Variants in TTC6 observed in about 807,000 individuals in gnomAD.
TTC6 encodes the protein tetratricopeptide repeat protein 6.
Under a neutral mutation model 210.4 loss-of-function variants are expected in TTC6, and 172 were observed. The ratio of observed to expected loss-of-function variants is 0.82; its 90% CI spans 0.72 to 0.93. The LOEUF is 0.93. Among genes scored for constraint, TTC6 ranks in the 40% least tolerant of loss-of-function variants. The probability of loss-of-function intolerance (pLI) is 0.00; values close to 1 mark genes in which losing one functional copy is unlikely to be tolerated. For missense variants in TTC6, 2,414 were observed against 2,318.1 expected (o/e 1.04, Z -0.85); for synonymous variants, 804 against 819.6 (o/e 0.98, Z 0.32).
chr14:37,674,852 AT>A (rs1396235949), intron 1 of TTC6, among the ~76,000 whole-genome samples: 4 of 152,088 alleles, frequency 2.6e-5, no homozygotes, highest in Admixed American at 2.6e-4. Context: ...TCAGTAAAAT[AT>A]TTTTTTACAT....
intron 6 of TTC6, among the ~76,000 whole-genome samples, chr14:37,723,956 T>C (rs949442203): frequency 2.0e-5 from 3 of 152,020 alleles, no homozygotes; most frequent in African/African-American, 7.2e-5. Context: ...GTTCAATGGG[T>C]TTTTAAAAAT....
At chr14:37,808,105 C>G (rs2096122431) in intron 23 of TTC6, among the ~76,000 whole-genome samples, 1 of 152,068 alleles carries the variant, frequency 6.6e-6, no homozygotes, top group African/African-American at 2.4e-5. Flanking sequence ...GTGACTGGCA[C>G]CATTGATATG....
intron 1 of TTC6, among the ~76,000 whole-genome samples, chr14:37,643,830 A>G (rs1175149907): frequency 2.0e-5 from 3 of 152,172 alleles, no homozygotes; most frequent in African/African-American, 7.2e-5. Context: ...TGAAGAAAGG[A>G]AAGATTGAGA....
chr14:37,654,021 A>C (rs912065462), intron 1 of TTC6, among the ~76,000 whole-genome samples: 2 of 152,194 alleles, frequency 1.3e-5, no homozygotes, highest in Non-Finnish European at 2.9e-5. Flanking sequence ...TATTTAAAGC[A>C]GTGTCTTCTT....
chr14:37,711,744 G>T (rs1411015285), intron 5 of TTC6, among the ~76,000 whole-genome samples: 2 of 152,188 alleles, frequency 1.3e-5, no homozygotes, highest in African/African-American at 4.8e-5. Context: ...GATAACAACA[G>T]TTGCAGGGAT....
In TTC6 at chr14:37,637,159, GA is replaced by G. The variant is rs148391130; in HGVS notation, c.939+14164del. On this transcript the variant is annotated intron_variant, in intron 1 of 30. Transcript: ENST00000553443. The stretch of plus-strand genomic sequence containing the variant: ...CAAAAACCAAAAAACAAAACCACAA[GA>G]AAAAAAACCCACCTCAATCTGTCTC... 5.4e-4 allele frequency among the ~76,000 whole-genome samples: 82 copies of G among 151,424 alleles called. 1 individual carries two copies. Among genetic ancestry groups the G allele is most frequent in the Non-Finnish European group, 7.8e-4 (53 of 67,860 alleles).
chr14:37,745,699 G>C lies in TTC6; in HGVS notation c.2364-3240G>C, dbSNP rs544013023. Reference sequence around the variant, plus strand: ...TTGATAAACGTCAGTGGGATTTGTAGTGGGTATCTGTGGATTAGCATAAGG... The same window carrying C: ...TTGATAAACGTCAGTGGGATTTGTACTGGGTATCTGTGGATTAGCATAAGG... On this transcript the variant is annotated intron_variant, in intron 10 of 30. Coordinates refer to ENST00000553443, the Ensembl canonical transcript of TTC6. 7.7e-4 allele frequency among the ~76,000 whole-genome samples: 118 copies of C among 152,296 alleles called. 2 individuals carry two copies. Among genetic ancestry groups the C allele is most frequent in the Non-Finnish European group, 7.4e-4 (50 of 68,014 alleles).
chr14:37,600,094 T>C (rs1263688577), intron 1 of TTC6, among the ~76,000 whole-genome samples: 1 of 152,132 alleles, frequency 6.6e-6, no homozygotes, highest in Non-Finnish European at 1.5e-5. Flanking sequence ...GGACTGGCAA[T>C]GCACGCTTCA....
chr14:37,787,738 G>T, intron 15 of TTC6, 101 bp downstream of exon 17: 1 of 876,744 alleles, frequency 1.1e-6, no homozygotes, highest in South Asian at 3.3e-5. Flanking sequence ...AATGTAATAT[G>T]TATACTACTA....
chr14:37,752,387 T>G (rs1361845036), intron 13 of TTC6, among the ~76,000 whole-genome samples: 2 of 152,072 alleles, frequency 1.3e-5, no homozygotes, highest in Admixed American at 1.3e-4. Flanking sequence ...GGTCTAGAAA[T>G]GACCAAAAAG....
At chr14:37,706,160 A>C (rs1181595308) in intron 5 of TTC6, among the ~76,000 whole-genome samples, 1 of 152,148 alleles carries the variant, frequency 6.6e-6, no homozygotes, top group Non-Finnish European at 1.5e-5. Context: ...TCTTAGTCAC[A>C]GTGAATTGGG....
intron 14 of TTC6, among the ~76,000 whole-genome samples, chr14:37,785,550 C>T (rs763466209): frequency 6.6e-6 from 1 of 152,138 alleles, no homozygotes; most frequent in Non-Finnish European, 1.5e-5. Context: ...AGCTGCTTTG[C>T]TTTGGGTTTG....
chr14:37,772,807 A>T (rs999851394), intron 14 of TTC6, among the ~76,000 whole-genome samples: 1 of 152,108 alleles, frequency 6.6e-6, no homozygotes. Context: ...AGCTGTTCCT[A>T]TTCGGCCATC....
At chr14:37,718,799 G>A (rs2095856798) in intron 6 of TTC6, among the ~76,000 whole-genome samples, 1 of 152,060 alleles carries the variant, frequency 6.6e-6, no homozygotes, top group South Asian at 2.1e-4. Context: ...ATGGTGGTGT[G>A]TGTCTGTAGT....
intron 27 of TTC6, among the ~76,000 whole-genome samples, chr14:37,824,753 T>C (rs2096166547): frequency 6.6e-6 from 1 of 152,128 alleles, no homozygotes; most frequent in Admixed American, 6.6e-5. Flanking sequence ...TTTGAGAAAT[T>C]AACAATGTTG....
chr14:37,720,694 C>T (rs566448298), intron 6 of TTC6: 20 of 151,912 alleles, frequency 1.3e-4, no homozygotes, highest in African/African-American at 4.8e-4. Flanking sequence ...CATGCGATAA[C>T]AATGAATCTT....
chr14:37,692,039 A>C (rs1481080164), intron 3 of TTC6, among the ~76,000 whole-genome samples: 2 of 151,822 alleles, frequency 1.3e-5, no homozygotes, highest in Non-Finnish European at 2.9e-5. Flanking sequence ...CATAATAAAA[A>C]GTCTCCCAGT....
chr14:37,765,730 T>G (rs1253261311), intron 14 of TTC6, among the ~76,000 whole-genome samples: 1 of 152,164 alleles, frequency 6.6e-6, no homozygotes, highest in Non-Finnish European at 1.5e-5. Flanking sequence ...TAAAATAGGT[T>G]TACTAGCAAT....
At chr14:37,760,456 C>T (rs151170878) in intron 14 of TTC6, among the ~76,000 whole-genome samples, 1 of 152,310 alleles carries the variant, frequency 6.6e-6, no homozygotes, top group Non-Finnish European at 1.5e-5. Context: ...GGAGGTCTCT[C>T]CCAGAAAGGA....
Sources: gnomAD v4.1 joint callset for allele counts (sites outside exome capture counted in the v4.1 genomes callset) on GRCh38, gnomAD v4.1.1 for gene constraint, MANE v1.5 for transcripts, NCBI Gene and HGNC (gene_info 2026-07-23, HGNC 2026-07-21) for gene names.